The following SVOP variants were observed in gnomAD, a reference collection of about 807,000 sequenced individuals.
SVOP encodes the protein synaptic vesicle 2-related protein.
Under a neutral mutation model 69.1 loss-of-function variants are expected in SVOP, and 17 were observed. The ratio of observed to expected loss-of-function variants is 0.25; its 90% CI spans 0.17 to 0.37. The LOEUF (loss-of-function observed/expected upper bound fraction) is 0.37. Among genes scored for constraint, SVOP ranks in the 10% least tolerant of loss-of-function variants. SVOP has a pLI of 1.00. For synonymous variants in SVOP, 238 were observed against 238.6 expected, an observed-to-expected ratio of 1.00 and a Z score of 0.02; for missense variants, 435 against 597.5, an observed-to-expected ratio of 0.73 and a Z score of 2.84.
intron 6 of SVOP, among the ~76,000 whole-genome samples, chr12:108,949,001 C>T (rs942876816): frequency 6.6e-6 from 1 of 152,128 alleles, no homozygotes; most frequent in Non-Finnish European, 1.5e-5. Context: ...CAAAAATGTG[C>T]AGCAGGATAT....
chr12:108,977,881 T>C (rs1469324927), intron 3 of SVOP, among the ~76,000 whole-genome samples: 3 of 152,302 alleles, frequency 2.0e-5, no homozygotes, highest in Non-Finnish European at 4.4e-5. Context: ...GGTCATTTGT[T>C]CATGTAGAAT....
In SVOP at chr12:108,912,511, A is replaced by G. The variant is rs757058919; in HGVS notation, c.*24T>C. 3 of 1,613,466 alleles carry G rather than the reference A, an allele frequency of 1.9e-6. No homozygotes were observed. The highest frequency in any genetic ancestry group is 2.2e-5 in the East Asian group (1 of 44,864). Reference sequence around the variant, plus strand: ...CCCCCCAAGCTCTGCAGCCTCAAAGACCAGCTCAGTCCCCCATCGGTCACT... The same window carrying G: ...CCCCCCAAGCTCTGCAGCCTCAAAGGCCAGCTCAGTCCCCCATCGGTCACT... On this transcript the variant is annotated 3_prime_UTR_variant, in exon 16 of 16. Coordinates refer to ENST00000610966, the MANE Select transcript of SVOP (RefSeq NM_018711.5).
intron 1 of SVOP, among the ~76,000 whole-genome samples, chr12:108,988,770 C>CTTTCTCTCTTTTTT (rs2040181136): frequency 1.1e-5 from 1 of 92,182 alleles, no homozygotes; most frequent in Admixed American, 1.5e-4. Flanking sequence ...TCTTTTCTCT[C>CTTTCTCTCTTTTTT]TTTTTTTTTT....
chr12:108,981,355 C>T (rs908143044), intron 2 of SVOP, among the ~76,000 whole-genome samples: 3 of 152,176 alleles, frequency 2.0e-5, no homozygotes, highest in Non-Finnish European at 2.9e-5. Flanking sequence ...GCCTCAGCTT[C>T]CCTCCATCCC....
chr12:108,997,388 G>A (rs2040241339), intron 1 of SVOP, among the ~76,000 whole-genome samples: 1 of 150,622 alleles, frequency 6.6e-6, no homozygotes, highest in Non-Finnish European at 1.5e-5. Flanking sequence ...TGGGGGAGGG[G>A]CGCCCGCCAT....
At chr12:108,937,515 C>G (rs1434265087) in intron 9 of SVOP, among the ~76,000 whole-genome samples, 178 bp from the exon 10 acceptor site, 1 of 152,146 alleles carries the variant, frequency 6.6e-6, no homozygotes, top group Non-Finnish European at 1.5e-5. Flanking sequence ...GCCCCTCCAG[C>G]CAGAACCCAG....
chr12:108,921,245 G>T (rs1326621604), intron 12 of SVOP, among the ~76,000 whole-genome samples: 1 of 152,132 alleles, frequency 6.6e-6, no homozygotes, highest in South Asian at 2.1e-4. Flanking sequence ...AGCTGTGTGG[G>T]GAAAGGGTTT....
chr12:109,011,810 C>T lies in SVOP; in HGVS notation c.35+9024G>A, dbSNP rs116504066. On this transcript the variant is annotated intron_variant, in intron 1 of 15. Transcript: ENST00000610966. ...ATCCACTCATTTGCAACAACATGAA[C>T]GAACCTGGAGGACATTGTGTTAAGT... is the stretch of plus-strand genomic sequence containing the variant. Among the ~76,000 whole-genome samples, 27 of 152,234 alleles carry T rather than the reference C, an allele frequency of 1.8e-4. 1 individual carries two copies. The East Asian group carries it at 4.0e-3, about 23-fold the overall frequency.
At chr12:109,000,229 T>C (rs2040260950) in intron 1 of SVOP, among the ~76,000 whole-genome samples, 1 of 151,586 alleles carries the variant, frequency 6.6e-6, no homozygotes, top group South Asian at 2.1e-4. Flanking sequence ...GATAAATTCC[T>C]CGACACATAC....
intron 8 of SVOP, 39 bp downstream of exon 8, chr12:108,940,745 T>C (rs2039885488): frequency 6.5e-7 from 1 of 1,530,408 alleles, no homozygotes; most frequent in Non-Finnish European, 8.8e-7. Flanking sequence ...CAGTAAGATG[T>C]CAGACAGCAA....
At chr12:108,941,324 G>A (rs2137406816) in intron 7 of SVOP, among the ~76,000 whole-genome samples, 1 of 152,196 alleles carries the variant, frequency 6.6e-6, no homozygotes, top group South Asian at 2.1e-4. Context: ...CCAGGCTCAA[G>A]CAATCCTCCC....
chr12:108,992,358 T>C (rs1412682587), intron 1 of SVOP, among the ~76,000 whole-genome samples: 1 of 151,250 alleles, frequency 6.6e-6, no homozygotes, highest in East Asian at 1.9e-4. Flanking sequence ...CTGGGCAAAA[T>C]AGGGAGACCC....
chr12:108,936,709 CGA>C (rs908591750), intron 10 of SVOP, among the ~76,000 whole-genome samples: 158 of 152,268 alleles, frequency 1.0e-3, no homozygotes, highest in African/African-American at 3.7e-3. Context: ...CTGCTGGCCT[CGA>C]GAGATATTCC....
rs1355224677 is a variant in SVOP, at chr12:108,972,385, GA to G, written c.453+19del. 1.3e-6 allele frequency: 2 copies of G among 1,536,358 alleles called. No homozygotes were observed. Among genetic ancestry groups the G allele is most frequent in the Admixed American group, 2.0e-5 (1 of 50,970 alleles). On this transcript the variant is annotated intron_variant, in intron 5 of 15. Transcript: ENST00000610966. ...AGACAACCCAGAGGACATGCGTTTA[GA>G]AGAGTAAGTTTGCCTTACTGTTTTC...
At chr12:108,942,778 G>GT in intron 7 of SVOP, among the ~76,000 whole-genome samples, 1 of 152,296 alleles carries the variant, frequency 6.6e-6, no homozygotes, top group South Asian at 2.1e-4. Flanking sequence ...TGTTGTTGTT[G>GT]TTTTGAGACG....
chr12:108,958,915 A>G (rs2040001085), intron 6 of SVOP, among the ~76,000 whole-genome samples: 1 of 151,926 alleles, frequency 6.6e-6, no homozygotes, highest in Non-Finnish European at 1.5e-5. Context: ...CCTCTGTGGC[A>G]ATGGTATGGC....
chr12:108,961,018 C>G lies in SVOP; in HGVS notation c.483G>C (p.Leu161=). The G allele has an allele frequency of 6.5e-6, 10 of 1,537,022 alleles. No individual in the cohort carries two copies. The highest frequency in any genetic ancestry group is 2.4e-5 in the East Asian group (1 of 40,914). Residue 161 remains leucine (L), a synonymous_variant, in exon 6 of 16, where the codon CTG becomes CTC. Coordinates refer to ENST00000610966, the MANE Select transcript of SVOP (RefSeq NM_018711.5). ...TGLKISVLWT[L]YYGILSAFAP... is the part of the protein sequence containing the mutation. The stretch of plus-strand genomic sequence containing the variant: ...CAAATGCACTAAGGATGCCATAGTA[C>G]AGAGTCCACAGCACGCTGATCTTCA...
chr12:108,955,993 A>T (rs1374018059), intron 6 of SVOP, among the ~76,000 whole-genome samples: 1 of 152,120 alleles, frequency 6.6e-6, no homozygotes, highest in Non-Finnish European at 1.5e-5. Context: ...AGAGCCCATG[A>T]TCTATTTTAG....
chr12:108,921,648 G>C (rs951147688), intron 12 of SVOP, among the ~76,000 whole-genome samples: 17 of 152,260 alleles, frequency 1.1e-4, no homozygotes, highest in African/African-American at 3.9e-4. Flanking sequence ...TTTAAAGGCT[G>C]CTCCCAGGTG....
Sources: allele counts gnomAD v4.1 joint callset (sites outside exome capture counted in the v4.1 genomes callset), GRCh38; gene constraint gnomAD v4.1.1; transcripts MANE v1.5; gene names NCBI Gene and HGNC (gene_info 2026-07-23, HGNC 2026-07-21).